HYDIN: variants seen among roughly 807,000 people sequenced by gnomAD.
HYDIN encodes HYDIN axonemal central pair apparatus protein.
A neutral mutation model predicts 403.9 loss-of-function variants in HYDIN; 132 were observed. The ratio of observed to expected loss-of-function variants is 0.33; its 90% CI spans 0.28 to 0.38. HYDIN has a LOEUF of 0.38. HYDIN is among the 10% of genes least tolerant of loss of function. The pLI is 1.00. For synonymous variants in HYDIN, 1,202 were observed against 1,891.7 expected, an observed-to-expected ratio of 0.64 and a Z score of 9.46; for missense variants, 2,827 against 5,009.5, an observed-to-expected ratio of 0.56 and a Z score of 13.15.
intron 12 of HYDIN, among the ~76,000 whole-genome samples, chr16:71,085,928 C>T (rs4354944): frequency 0.42 from 60,747 of 144,662 alleles, 11,860 homozygotes; most frequent in African/African-American, 0.62. Flanking sequence ...AGATTTTTGG[C>T]GGGGTTGTTT....
chr16:70,923,647 CAAAAAAAA>C (rs57860871), intron 45 of HYDIN, among the ~76,000 whole-genome samples: 8 of 69,292 alleles, frequency 1.2e-4, no homozygotes, highest in Non-Finnish European at 1.0e-4. Flanking sequence ...CTAAAAAATA[CAAAAAAAA>C]AAAAAAAAAA....
intron 41 of HYDIN, among the ~76,000 whole-genome samples, chr16:70,946,902 T>C (rs2077882065): frequency 6.6e-6 from 1 of 152,206 alleles, no homozygotes; most frequent in Admixed American, 6.5e-5. Flanking sequence ...ATCCTGAGAC[T>C]TTGCTGAAGT....
intron 23 of HYDIN, among the ~76,000 whole-genome samples, chr16:71,007,831 CA>C (rs1048754104): frequency 3.3e-5 from 5 of 151,148 alleles, no homozygotes; most frequent in African/African-American, 9.8e-5. Flanking sequence ...ATTATTCTAC[CA>C]AAAAGACACA....
At chr16:70,843,605 G>A (rs551454835) in intron 75 of HYDIN, among the ~76,000 whole-genome samples, 1 of 139,124 alleles carries the variant, frequency 7.2e-6, no homozygotes, top group Admixed American at 7.1e-5. Context: ...CTAGGTCCCT[G>A]AGGAATCGCC....
chr16:71,000,557 T>G (rs1052926354), intron 23 of HYDIN, among the ~76,000 whole-genome samples: 1 of 151,602 alleles, frequency 6.6e-6, no homozygotes, highest in Non-Finnish European at 1.5e-5. Flanking sequence ...AACATGGAGA[T>G]AGCTTTTAAG....
chr16:70,886,016 A>G (rs1165594928), intron 58 of HYDIN, among the ~76,000 whole-genome samples: 1 of 145,314 alleles, frequency 6.9e-6, no homozygotes, highest in Non-Finnish European at 1.5e-5. Context: ...AATCACAAGC[A>G]ACAATAAACT....
At chr16:70,831,539 A>G (rs987586564) in intron 80 of HYDIN, among the ~76,000 whole-genome samples, 3 of 148,902 alleles carry the variant, frequency 2.0e-5, no homozygotes, top group Non-Finnish European at 3.0e-5. Flanking sequence ...CAAAAAAAAA[A>G]AAAACAAGAA....
At chr16:71,133,299 G>A (rs2084786550) in intron 8 of HYDIN, 1 of 456,316 alleles carries the variant, frequency 2.2e-6, no homozygotes, top group Admixed American at 2.4e-5. Context: ...AATGGAAAAT[G>A]GATCATGTGA....
At chr16:71,175,843 A>G in intron 4 of HYDIN, 102 bp from the exon 5 acceptor site, 1 of 1,157,338 alleles carries the variant, frequency 8.6e-7, no homozygotes, top group Non-Finnish European at 1.3e-6. Flanking sequence ...GACCTTGGTC[A>G]GGTCTGAACT....
intron 1 of HYDIN, among the ~76,000 whole-genome samples, chr16:71,189,976 G>A (rs1041423965): frequency 3.3e-5 from 5 of 151,880 alleles, no homozygotes; most frequent in Non-Finnish European, 7.4e-5. Flanking sequence ...AAGTATAAAC[G>A]AAGAAAAGTT....
chr16:71,213,177 C>T (rs1337474730), intron 1 of HYDIN, among the ~76,000 whole-genome samples: 1 of 151,980 alleles, frequency 6.6e-6, no homozygotes, highest in African/African-American at 2.4e-5. Context: ...AAAGAAAAAT[C>T]TAAAGGATGC....
rs186768852 is a variant in HYDIN, at chr16:70,883,939, T to A, written c.9960A>T (p.Leu3320=). The A allele has an allele frequency of 2.1e-3, 3,315 of 1,613,746 alleles. 5 individuals are homozygous for A. Among genetic ancestry groups the A allele is most frequent in the Admixed American group, 3.0e-3 (180 of 60,006 alleles). Residue 3320 remains leucine (L), a synonymous_variant, in exon 59 of 86, where the codon CTA becomes CTT. Coordinates refer to ENST00000393567, the MANE Select transcript of HYDIN (RefSeq NM_001270974.2). The stretch of plus-strand genomic sequence containing the variant: ...CAGTACCTGGTAGACAGGCTTCAGC[T>A]AGCAAAGTGTAAAGAATGCCGGCAG... The part of the protein sequence containing the change: ...VHPAGILYTL[L]AEACLPAFVT...
intron 36 of HYDIN, among the ~76,000 whole-genome samples, chr16:70,967,145 G>C (rs1428263804): frequency 6.6e-6 from 1 of 152,146 alleles, no homozygotes; most frequent in African/African-American, 2.4e-5. Context: ...AGACAAAGGT[G>C]TAGCTCAAGG....
chr16:70,857,972 T>C lies in HYDIN; in HGVS notation c.12130-102A>G, dbSNP rs1002338159. The stretch of plus-strand genomic sequence containing the variant: ...GCACGAGGGTCATGAGAGTTGATGT[T>C]ACCAGGCTATTGCTACCTTTCTATA... On this transcript the variant is annotated intron_variant, in intron 71 of 85. Transcript: ENST00000393567. 1,126 of 1,136,142 alleles carry C rather than the reference T, an allele frequency of 9.9e-4. 2 individuals are homozygous for C. The highest frequency in any genetic ancestry group is 6.5e-3 in the Middle Eastern group (30 of 4,610). 70.4% of individuals were successfully genotyped at this position (1,136,142 alleles called of 1,614,324 possible).
Position 70,969,474 on chromosome 16 carries a change from T to C in HYDIN, c.5619+1046A>G, listed in dbSNP as rs1393637428. On this transcript the variant is annotated intron_variant, in intron 36 of 85. Coordinates refer to ENST00000393567, the MANE Select transcript of HYDIN (RefSeq NM_001270974.2). ...TTAGACCATGGAGGCCAGAAGAAAG[T>C]GGCATATATTTCAAGGGATGAAAGA... Among the ~76,000 whole-genome samples, 3 of 151,698 alleles carry C rather than the reference T, an allele frequency of 2.0e-5. No homozygotes were observed. In the South Asian group the frequency reaches 6.3e-4, roughly 32 times the overall value.
chr16:70,986,441 A>T (rs1276007968), intron 27 of HYDIN, among the ~76,000 whole-genome samples: 7 of 152,326 alleles, frequency 4.6e-5, no homozygotes, highest in Non-Finnish European at 5.9e-5. Context: ...AGGCAAGAGA[A>T]TTCTATTTGG....
Position 71,064,793 on chromosome 16 carries a change from C to G in HYDIN, c.2123G>C (p.Gly708Ala). ...LHLVNTEVDF[G>A]HCFLKYPYEK... is the part of the protein sequence containing the mutation. ...ATACGGGTACTTCAGGAAGCAGTGC[C>G]CAAAGTCCACCTCTGTATTGACCAG... Residue 708 changes from glycine (G) to alanine (A), a missense_variant, in exon 16 of 86, where the codon GGG (glycine) becomes GCG (alanine). Coordinates refer to ENST00000393567, the MANE Select transcript of HYDIN (RefSeq NM_001270974.2). 6.2e-7 allele frequency: 1 copy of G among 1,613,432 alleles called. No homozygotes were observed. The highest frequency in any genetic ancestry group is 8.5e-7 in the Non-Finnish European group (1 of 1,179,776).
intron 74 of HYDIN, among the ~76,000 whole-genome samples, 170 bp from the exon 75 acceptor site, chr16:70,850,117 T>C (rs1033890058): frequency 2.6e-4 from 39 of 152,218 alleles, no homozygotes; most frequent in African/African-American, 8.7e-4. Context: ...CAGGAGCTAC[T>C]AAGTGTTGGG....
intron 13 of HYDIN, among the ~76,000 whole-genome samples, chr16:71,079,011 A>G (rs2082703081): frequency 6.6e-6 from 1 of 152,150 alleles, no homozygotes; most frequent in Non-Finnish European, 1.5e-5. Flanking sequence ...GGATATAACC[A>G]TATGTGGCGT....
Sources: gnomAD v4.1 joint callset for allele counts (sites outside exome capture counted in the v4.1 genomes callset) on GRCh38, gnomAD v4.1.1 for gene constraint, MANE v1.5 for transcripts, NCBI Gene and HGNC (gene_info 2026-07-23, HGNC 2026-07-21) for gene names.